ZXDC: variants seen among roughly 807,000 people sequenced by gnomAD.
ZXDC encodes zinc finger protein ZXDC.
Under a neutral mutation model 63.6 loss-of-function variants are expected in ZXDC, and 58 were observed. The ratio of observed to expected loss-of-function variants is 0.91; its 90% confidence interval spans 0.74 to 1.13. ZXDC has a LOEUF of 1.13. Ranked by LOEUF, ZXDC falls within the 50% of genes most tolerant of loss-of-function variation. The probability of loss-of-function intolerance (pLI) is 0.00; values close to 1 mark genes in which losing one functional copy is unlikely to be tolerated. For missense variants in ZXDC, 1,133 were observed against 1,148.9 expected, an observed-to-expected ratio of 0.99 and a Z score of 0.20; for synonymous variants, 561 against 496.1, an observed-to-expected ratio of 1.13 and a Z score of -1.74.
chr3:126,439,817 A>G (rs1933610679), intron 8 of ZXDC, 90 bp from the exon 9 acceptor site: 2 of 1,471,106 alleles, frequency 1.4e-6, no homozygotes, highest in Admixed American at 4.8e-5. Context: ...TCCAGCTGCA[A>G]TGCGTGGCAG....
At chr3:126,444,943 T>G (rs1933824292) in intron 7 of ZXDC, among the ~76,000 whole-genome samples, 1 of 152,258 alleles carries the variant, frequency 6.6e-6, no homozygotes, top group African/African-American at 2.4e-5. Flanking sequence ...ATTAACAATT[T>G]ACTTGTATTA....
chr3:126,475,409 G>C lies in ZXDC; in HGVS notation c.457C>G (p.Pro153Ala). ...GGAGCGGCGGCGCCCGCGGTTGCGG[G>C]GCCGGGCGGCGCAGACAGCGCGAGG... is the stretch of plus-strand genomic sequence containing the variant. ...GVLALSAPPGPATAGAAAPRR... is the reference protein window; with the variant it reads ...GVLALSAPPGAATAGAAAPRR... The change falls in exon 1 of 10, where the codon CCC becomes GCC. Residue 153 changes from proline (P) to alanine (A), a missense_variant. Transcript: ENST00000389709. 3 of 1,187,578 alleles carry C rather than the reference G, an allele frequency of 2.5e-6. No homozygotes were observed. The highest frequency in any genetic ancestry group is 3.1e-6 in the Non-Finnish European group (3 of 958,612). The allele number at this position is 1,187,578 out of a possible 1,614,324, so 73.6% of individuals were successfully genotyped here.
chr3:126,473,372 C>A (rs1935048343), intron 1 of ZXDC, among the ~76,000 whole-genome samples: 1 of 152,162 alleles, frequency 6.6e-6, no homozygotes, highest in South Asian at 2.1e-4. Context: ...CAGGTCTGGG[C>A]CCTTTGATGA....
rs1263266751 is a variant in ZXDC, at chr3:126,463,075, A to AT, written c.1442-856dup. ...GATGCAGCATGTAATTATTATTATT[A>AT]TTATTTTTTTTGAGAGGGAGTCTCG... On this transcript the variant is annotated intron_variant, in intron 5 of 9. Transcript: ENST00000389709. Among the ~76,000 whole-genome samples the AT allele has an allele frequency of 3.2e-4, 8 of 24,778 alleles. 1 individual carries two copies. Among genetic ancestry groups the AT allele is most frequent in the Middle Eastern group, 0.029 (1 of 34 alleles). 16.3% of individuals were successfully genotyped at this position (24,778 alleles called of 152,430 possible). A position where few individuals can be genotyped will look rare whatever the true frequency, so the allele number is the denominator to read the frequency against.
Position 126,471,957 on chromosome 3 carries a change from A to G in ZXDC, c.1139+16T>C. 1 of 1,601,018 alleles carries G rather than the reference A, an allele frequency of 6.2e-7. No homozygotes were observed. The highest frequency in any genetic ancestry group is 2.2e-5 in the East Asian group (1 of 44,708). On this transcript the variant is annotated intron_variant, in intron 3 of 9. Coordinates refer to ENST00000389709, the MANE Select transcript of ZXDC (RefSeq NM_025112.5). ...ATTTTCAAACCTGATAATGCAAACC[A>G]AAATGTAAGGATTACCTTCTGTGCC...
chr3:126,451,580 A>G (rs1934100186), intron 7 of ZXDC: 1 of 985,454 alleles, frequency 1.0e-6, no homozygotes, highest in Non-Finnish European at 1.2e-6. Context: ...GAGAAAGCAC[A>G]AGGACGCGCT....
Position 126,462,246 on chromosome 3 carries a change from G to A in ZXDC, c.1442-26C>T, listed in dbSNP as rs752237919. Reference sequence around the variant, plus strand: ...CTGAAAAAAAAAGGAATACACTCTGGTTACTTTATGACCTTGAAGACTGAG... The same window carrying A: ...CTGAAAAAAAAAGGAATACACTCTGATTACTTTATGACCTTGAAGACTGAG... On this transcript the variant is annotated intron_variant, in intron 5 of 9. Transcript: ENST00000389709. 3.2e-6 allele frequency: 5 copies of A among 1,563,836 alleles called. No individual in the cohort carries two copies. In the East Asian group the frequency reaches 6.7e-5, roughly 21 times the overall value.
rs758426747 is a variant in ZXDC at position 126,475,616 on chromosome 3, C to T, written c.250G>A (p.Gly84Ser). 1 of 1,472,498 alleles carries T rather than the reference C, an allele frequency of 6.8e-7. No individual in the cohort carries two copies. Among genetic ancestry groups the T allele is most frequent in the Non-Finnish European group, 9.0e-7 (1 of 1,110,226 alleles). The allele number at this position is 1,472,498 out of a possible 1,614,324, so 91.2% of individuals were successfully genotyped here. Residue 84 changes from glycine (G) to serine (S), a missense_variant, in exon 1 of 10, where the codon GGC (glycine) becomes AGC (serine). By Grantham distance (56) the Gly-to-Ser change is moderately conservative. Coordinates refer to ENST00000389709, the MANE Select transcript of ZXDC (RefSeq NM_025112.5). ...SFLVLLEVPH[G>S]GAAAEAAGSQ... ...CCGGCAGCCTCGGCGGCAGCGCCGCCGTGCGGCACTTCCAGCAGCACCAAG... is the reference window on the plus strand; with the variant it reads ...CCGGCAGCCTCGGCGGCAGCGCCGCTGTGCGGCACTTCCAGCAGCACCAAG...
At chr3:126,449,339 G>A (rs528315244) in intron 7 of ZXDC, among the ~76,000 whole-genome samples, 2 of 152,280 alleles carry the variant, frequency 1.3e-5, no homozygotes, top group South Asian at 2.1e-4. Flanking sequence ...GGAACTACAG[G>A]TGTGTGCCAC....
chr3:126,444,260 C>T (rs1028927060), intron 7 of ZXDC, among the ~76,000 whole-genome samples: 3 of 152,206 alleles, frequency 2.0e-5, no homozygotes, highest in Non-Finnish European at 2.9e-5. Flanking sequence ...TGGCCGGGCG[C>T]AGTGGCTCAC....
intron 7 of ZXDC, 63 bp from the exon 8 acceptor site, chr3:126,442,009 C>T: frequency 6.8e-7 from 1 of 1,474,338 alleles, no homozygotes; most frequent in Non-Finnish European, 9.0e-7. Flanking sequence ...TCTGCCCTTA[C>T]CAAGGTCTCA....
intron 8 of ZXDC, 162 bp from the exon 9 acceptor site, chr3:126,439,889 G>A (rs768334983): frequency 1.0e-5 from 15 of 1,432,126 alleles, no homozygotes; most frequent in South Asian, 1.5e-5. Flanking sequence ...TGTTTATGGG[G>A]GCTGGGTACT....
At chr3:126,474,088 G>C (rs1013094775) in intron 1 of ZXDC, among the ~76,000 whole-genome samples, 1 of 141,938 alleles carries the variant, frequency 7.0e-6, no homozygotes, top group Non-Finnish European at 1.5e-5. Context: ...TTTTTGAGAC[G>C]GTGTCTCGCT....
intron 7 of ZXDC, among the ~76,000 whole-genome samples, chr3:126,447,825 G>A (rs1388802119): frequency 6.6e-6 from 1 of 152,178 alleles, no homozygotes; most frequent in African/African-American, 2.4e-5. Context: ...AGGCTGCCTC[G>A]CCCCACATCA....
chr3:126,469,000 A>G (rs539304314), intron 4 of ZXDC, among the ~76,000 whole-genome samples: 18 of 152,192 alleles, frequency 1.2e-4, no homozygotes, highest in African/African-American at 2.4e-5. Context: ...ACTGACATAT[A>G]TACTGATGTT....
chr3:126,462,162 G>C lies in ZXDC; in HGVS notation c.1500C>G (p.Ser500Arg). ...SSLTPSSELS[S>R]PGQSELTNMD... ...TGTTAGTGAGCTCACTTTGGCCTGGGCTGCTGAGTTCACTGCTGGGAGTAA... is the reference window on the plus strand; with the variant it reads ...TGTTAGTGAGCTCACTTTGGCCTGGCCTGCTGAGTTCACTGCTGGGAGTAA... The change falls in exon 6 of 10, where the codon AGC becomes AGG. Residue 500 changes from serine (S) to arginine (R), a missense_variant. Coordinates refer to ENST00000389709, the MANE Select transcript of ZXDC (RefSeq NM_025112.5). The C allele has an allele frequency of 1.9e-6, 3 of 1,611,754 alleles. No homozygotes were observed. The highest frequency in any genetic ancestry group is 2.5e-6 in the Non-Finnish European group (3 of 1,179,918).
At chr3:126,449,182 A>C (rs182011317) in intron 7 of ZXDC, among the ~76,000 whole-genome samples, 11 of 152,368 alleles carry the variant, frequency 7.2e-5, no homozygotes, top group Admixed American at 2.0e-4. Context: ...TGTACAGAAG[A>C]AGATGTAATG....
At chr3:126,456,914 T>C (rs1412806585) in intron 7 of ZXDC, among the ~76,000 whole-genome samples, 1 of 152,198 alleles carries the variant, frequency 6.6e-6, no homozygotes, top group East Asian at 1.9e-4. Flanking sequence ...GTGGACAGCA[T>C]GGCCCAGGGA....
At chr3:126,467,571 G>A (rs373224419) in intron 4 of ZXDC, among the ~76,000 whole-genome samples, 1 of 152,226 alleles carries the variant, frequency 6.6e-6, no homozygotes, top group South Asian at 2.1e-4. Flanking sequence ...ACGGCCAGAT[G>A]AGTAAGGGCC....
Sources: gnomAD v4.1 joint callset for allele counts (sites outside exome capture counted in the v4.1 genomes callset) on GRCh38, gnomAD v4.1.1 for gene constraint, MANE v1.5 for transcripts, NCBI Gene and HGNC (gene_info 2026-07-23, HGNC 2026-07-21) for gene names.